PDE6C: variants seen among roughly 807,000 people sequenced by gnomAD.
PDE6C encodes the protein phosphodiesterase 6C.
Under a neutral mutation model 113.1 loss-of-function variants are expected in PDE6C, and 75 were observed. The ratio of observed to expected loss-of-function variants is 0.66; its 90% CI spans 0.55 to 0.80. The LOEUF is 0.80. Ranked by LOEUF, PDE6C falls within the 30% of genes least tolerant of loss-of-function variation. PDE6C has a pLI of 0.00. For missense variants in PDE6C, 912 were observed against 1,038.6 expected (o/e 0.88, Z 1.67); for synonymous variants, 375 against 363.7 (o/e 1.03, Z -0.35).
intron 7 of PDE6C, among the ~76,000 whole-genome samples, chr10:93,627,684 T>C (rs2058480786): frequency 6.6e-6 from 1 of 152,154 alleles, no homozygotes. Flanking sequence ...AGATAATTGC[T>C]GATGAAAAGT....
intron 11 of PDE6C, among the ~76,000 whole-genome samples, chr10:93,637,816 G>C (rs910834085): frequency 6.6e-6 from 1 of 151,930 alleles, no homozygotes; most frequent in Non-Finnish European, 1.5e-5. Context: ...TTTACACCTG[G>C]GTTCTAGTCA....
At position 93,635,628 on chromosome 10, in the gene PDE6C, T is replaced by C. The variant is rs375429915; in HGVS notation, c.1401T>C (p.Ile467=). 6.2e-6 allele frequency: 10 copies of C among 1,613,774 alleles called. No individual in the cohort carries two copies. Among genetic ancestry groups the C allele is most frequent in the Non-Finnish European group, 8.5e-6 (10 of 1,179,838 alleles). ...MNQTKATPEE[I]KSILKFQEKL... ...AAACCAAAGCCACTCCTGAAGAAATTAAGTCCATTTTGGTAAGTGGGAAAT... is the reference window on the plus strand; with the variant it reads ...AAACCAAAGCCACTCCTGAAGAAATCAAGTCCATTTTGGTAAGTGGGAAAT... Residue 467 remains isoleucine (I), a synonymous_variant, in exon 10 of 22, where the codon ATT becomes ATC. Coordinates refer to ENST00000371447, the MANE Select transcript of PDE6C (RefSeq NM_006204.4).
intron 10 of PDE6C, among the ~76,000 whole-genome samples, chr10:93,636,369 T>TGG (rs1564800173): frequency 1.1e-3 from 7 of 6,634 alleles, no homozygotes; most frequent in African/African-American, 3.9e-3. Context: ...TCCCTGGCTT[T>TGG]GTGTGTGTGT....
At chr10:93,655,654 C>G (rs374718729) in intron 15 of PDE6C, 106 bp from the exon 16 acceptor site, 12 of 329,376 alleles carry the variant, frequency 3.6e-5, no homozygotes, top group Admixed American at 2.3e-4. Context: ...AAAAAACAAA[C>G]AAAAAAGTGT....
intron 8 of PDE6C, among the ~76,000 whole-genome samples, 186 bp from the exon 9 acceptor site, chr10:93,634,572 G>T (rs1022032285): frequency 3.9e-5 from 6 of 152,134 alleles, no homozygotes; most frequent in Admixed American, 3.3e-4. Flanking sequence ...TTTCGATATT[G>T]TACTATAGTT....
Position 93,662,078 on chromosome 10 carries a change from A to G in PDE6C, c.2228A>G (p.Asn743Ser). The change falls in exon 19 of 22, where the codon AAT becomes AGT. Residue 743 changes from asparagine to serine, a missense_variant. By Grantham distance (46) the Asn-to-Ser change is conservative (BLOSUM62 1). Coordinates refer to ENST00000371447, the MANE Select transcript of PDE6C (RefSeq NM_006204.4). Reference sequence around the variant, plus strand: ...TTGCAGGTAGCACTTATGGTTGCAAATGAATTTTGGGAACAAGGAGATCTG... The same window carrying G: ...TTGCAGGTAGCACTTATGGTTGCAAGTGAATTTTGGGAACAAGGAGATCTG... ...VQSQVALMVA[N>S]EFWEQGDLER... The G allele has an allele frequency of 1.2e-6, 2 of 1,609,658 alleles. No individual in the cohort carries two copies.
chr10:93,613,647 C>T (rs1329845669), intron 1 of PDE6C, among the ~76,000 whole-genome samples: 1 of 152,224 alleles, frequency 6.6e-6, no homozygotes, highest in Non-Finnish European at 1.5e-5. Context: ...CTCTCATTCA[C>T]AGTCCTTCGA....
intron 1 of PDE6C, among the ~76,000 whole-genome samples, chr10:93,615,907 T>C (rs1589691675): frequency 6.6e-6 from 1 of 151,964 alleles, no homozygotes; most frequent in East Asian, 1.9e-4. Context: ...GGGTCCATGG[T>C]GTGTGTCTGT....
In PDE6C at chr10:93,665,519, C is replaced by T; in HGVS notation, c.*101C>T. ...ACAAATCATCACGTAACAGGATCTT[C>T]AGAAAAACTACCCTGTGACTATGAA... is the stretch of plus-strand genomic sequence containing the variant. On this transcript the variant is annotated 3_prime_UTR_variant, in exon 22 of 22. Coordinates refer to ENST00000371447, the MANE Select transcript of PDE6C (RefSeq NM_006204.4). 2 of 812,748 alleles carry T rather than the reference C, an allele frequency of 2.5e-6. No homozygotes were observed. The highest frequency in any genetic ancestry group is 2.8e-5 in the South Asian group (2 of 70,848). The allele number at this position is 812,748 out of a possible 1,614,324, so 50.3% of individuals were successfully genotyped here.
chr10:93,626,935 T>G, intron 7 of PDE6C, 64 bp downstream of exon 7: 1 of 1,391,324 alleles, frequency 7.2e-7, no homozygotes. Context: ...AGCTAAGAGA[T>G]AGATACAATT....
At chr10:93,631,841 GT>G (rs2058503272) in intron 8 of PDE6C, among the ~76,000 whole-genome samples, 1 of 152,240 alleles carries the variant, frequency 6.6e-6, no homozygotes. Flanking sequence ...CTCACACTAT[GT>G]TTCTTGGGGG....
At chr10:93,654,783 TTTC>T (rs1564804725) in intron 15 of PDE6C, among the ~76,000 whole-genome samples, 1 of 70,398 alleles carries the variant, frequency 1.4e-5, no homozygotes, top group Non-Finnish European at 2.9e-5. Context: ...TCTTTCTTTC[TTTC>T]TTTCTTTCTT....
At chr10:93,618,577 A>C (rs1589692348) in intron 1 of PDE6C, among the ~76,000 whole-genome samples, 1 of 152,178 alleles carries the variant, frequency 6.6e-6, no homozygotes, top group East Asian at 1.9e-4. Flanking sequence ...GGCTGCCTTT[A>C]TCCCCTTTAC....
Position 93,650,704 on chromosome 10 carries a change from T to A in PDE6C, c.1935+4657T>A, listed in dbSNP as rs2058605902. ...TCCTTATCACAAGAAATGTTAGCTC[T>A]TAAAGAGCCCTCTAAAATGAATAAC... is the stretch of plus-strand genomic sequence containing the variant. On this transcript the variant is annotated intron_variant, in intron 15 of 21. Transcript: ENST00000371447. Among the ~76,000 whole-genome samples, 5 of 152,216 alleles carry A rather than the reference T, an allele frequency of 3.3e-5. No individual in the cohort carries two copies. The South Asian group carries it at 1.0e-3, about 31-fold the overall frequency.
chr10:93,633,945 A>G (rs1564799477), intron 8 of PDE6C, among the ~76,000 whole-genome samples: 3 of 152,248 alleles, frequency 2.0e-5, no homozygotes, highest in Admixed American at 1.3e-4. Flanking sequence ...GATGTGCTAG[A>G]GTACATATAA....
chr10:93,614,171 A>T (rs865931343), intron 1 of PDE6C, among the ~76,000 whole-genome samples: 49 of 152,316 alleles, frequency 3.2e-4, no homozygotes, highest in African/African-American at 1.1e-3. Context: ...GATGGAACAG[A>T]GTTGAATGGG....
intron 21 of PDE6C, 82 bp from the exon 22 acceptor site, chr10:93,665,278 C>T (rs1313447796): frequency 2.2e-5 from 23 of 1,024,684 alleles, no homozygotes; most frequent in Non-Finnish European, 3.4e-5. Context: ...ACAAAGTTGA[C>T]ACTACTATCA....
At chr10:93,629,164 T>A (rs2058487656) in intron 7 of PDE6C, 94 bp from the exon 8 acceptor site, 1 of 1,028,450 alleles carries the variant, frequency 9.7e-7, no homozygotes, top group South Asian at 1.3e-5. Context: ...TAGAAAATCC[T>A]CACTCCCAAT....
chr10:93,663,803 C>T (rs1489016743), intron 21 of PDE6C, among the ~76,000 whole-genome samples: 1 of 152,054 alleles, frequency 6.6e-6, no homozygotes, highest in Non-Finnish European at 1.5e-5. Flanking sequence ...TCTTAAAATG[C>T]TTAGGATTAA....
Sources: allele counts gnomAD v4.1 joint callset (sites outside exome capture counted in the v4.1 genomes callset), GRCh38; gene constraint gnomAD v4.1.1; transcripts MANE v1.5; gene names NCBI Gene and HGNC (gene_info 2026-07-23, HGNC 2026-07-21).